The following R3HDM2 variants were observed in gnomAD, a reference collection of about 807,000 sequenced individuals.
R3HDM2 encodes the protein R3H domain-containing protein 2.
Under a neutral mutation model 124.5 loss-of-function variants are expected in R3HDM2, and 38 were observed. That is an observed-to-expected ratio of 0.31 (90% CI 0.24 to 0.40). R3HDM2 has a LOEUF of 0.40. Among genes scored for constraint, R3HDM2 ranks in the 10% least tolerant of loss-of-function variants. The pLI, the probability that R3HDM2 is intolerant of heterozygous loss-of-function variation, is 1.00. For synonymous variants in R3HDM2, 391 were observed against 448.0 expected, an observed-to-expected ratio of 0.87 and a Z score of 1.61; for missense variants, 869 against 1,236.9, an observed-to-expected ratio of 0.70 and a Z score of 4.46.
At chr12:57,299,713 C>T (rs1466736371) in intron 5 of R3HDM2, among the ~76,000 whole-genome samples, 1 of 152,134 alleles carries the variant, frequency 6.6e-6, no homozygotes, top group Non-Finnish European at 1.5e-5. Flanking sequence ...CCGTTCTTGG[C>T]ACAGGTATTG....
chr12:57,374,776 G>A (rs375694721), intron 2 of R3HDM2, among the ~76,000 whole-genome samples: 1 of 147,464 alleles, frequency 6.8e-6, no homozygotes, highest in Non-Finnish European at 1.5e-5. Context: ...GGCAGATCAC[G>A]AGGTCAGGAG....
chr12:57,281,202 G>T (rs567999323), intron 13 of R3HDM2, among the ~76,000 whole-genome samples: 1 of 149,318 alleles, frequency 6.7e-6, no homozygotes, highest in East Asian at 2.0e-4. Context: ...CAGGAGAATC[G>T]CTTGAACCCA....
At chr12:57,353,274 C>A (rs1403570038) in intron 2 of R3HDM2, among the ~76,000 whole-genome samples, 1 of 151,576 alleles carries the variant, frequency 6.6e-6, no homozygotes, top group Non-Finnish European at 1.5e-5. Flanking sequence ...GAATTACAAA[C>A]CAAAAAGAAA....
chr12:57,368,029 C>T (rs886193691), intron 2 of R3HDM2, among the ~76,000 whole-genome samples: 1 of 151,452 alleles, frequency 6.6e-6, no homozygotes. Flanking sequence ...TTCACAGAAC[C>T]GTGTTTCTTT....
At position 57,258,009 on chromosome 12, in the gene R3HDM2, C is replaced by A. The variant is rs1383118647; in HGVS notation, c.2430G>T (p.Arg810=). The A allele has an allele frequency of 1.3e-6, 2 of 1,570,168 alleles. No individual in the cohort carries two copies. Among genetic ancestry groups the A allele is most frequent in the South Asian group, 1.2e-5 (1 of 84,434 alleles). Residue 810 remains arginine, a synonymous_variant, in exon 21 of 24, where the codon CGG becomes CGT. Coordinates refer to ENST00000402412, the MANE Select transcript of R3HDM2 (RefSeq NM_001394031.1). ...CCCTACCCTGTGCTGGACCCCCAGG[C>A]CGGGGGAACTGTGTGAGGACAGGCA... The part of the protein sequence containing the change: ...SPLPVLTQFP[R]PGGPAQGDGR...
At chr12:57,411,212 G>GT (rs1555316477) in intron 1 of R3HDM2, among the ~76,000 whole-genome samples, 4 of 152,104 alleles carry the variant, frequency 2.6e-5, no homozygotes, top group Non-Finnish European at 4.4e-5. Context: ...ATTTTTGTTT[G>GT]TTTTTTTGAG....
At chr12:57,365,106 T>TA (rs928322064) in intron 2 of R3HDM2, among the ~76,000 whole-genome samples, 3 of 148,918 alleles carry the variant, frequency 2.0e-5, no homozygotes, top group Non-Finnish European at 4.5e-5. Context: ...CTAGTAAAAA[T>TA]AAAAAAAACT....
chr12:57,269,314 TTC>T lies in R3HDM2; in HGVS notation c.1714+7_1714+8del, dbSNP rs776515998. On this transcript the variant is annotated splice_region_variant and intron_variant, in intron 16 of 23. Transcript: ENST00000402412. The stretch of plus-strand genomic sequence containing the variant: ...TTCACTGCCTTCTTAAACCAGTGGT[TTC>T]TCTTACCAGGCTGCTGGGATGGCTG... The T allele has an allele frequency of 6.2e-7, 1 of 1,613,352 alleles. No homozygotes were observed. Among genetic ancestry groups the T allele is most frequent in the Admixed American group, 1.7e-5 (1 of 59,912 alleles).
chr12:57,352,351 A>G (rs966500254), intron 2 of R3HDM2, among the ~76,000 whole-genome samples: 4 of 152,096 alleles, frequency 2.6e-5, no homozygotes, highest in Non-Finnish European at 5.9e-5. Context: ...GTCATAGATC[A>G]TATCTCTGGC....
chr12:57,417,781 A>G (rs2069790997), intron 1 of R3HDM2, among the ~76,000 whole-genome samples: 1 of 152,212 alleles, frequency 6.6e-6, no homozygotes, highest in Non-Finnish European at 1.5e-5. Context: ...GTAGCTTACC[A>G]GCTTATGTTT....
At chr12:57,318,947 A>G (rs1334241466) in intron 2 of R3HDM2, among the ~76,000 whole-genome samples, 1 of 152,214 alleles carries the variant, frequency 6.6e-6, no homozygotes, top group Admixed American at 6.5e-5. Context: ...TGGCTTTGTT[A>G]CTTGCTTTCT....
In R3HDM2 at chr12:57,296,415, T is replaced by C; in HGVS notation, c.697A>G (p.Arg233Gly). 1 of 1,552,268 alleles carries C rather than the reference T, an allele frequency of 6.4e-7. No homozygotes were observed. The highest frequency in any genetic ancestry group is 2.0e-5 in the Admixed American group (1 of 51,012). ...AVIINKTSNT[R>G]IPEQRFSEHI... is the part of the protein sequence containing the mutation. Reference sequence around the variant, plus strand: ...AACCATGGTTTCCTCCCTTACATTCTTGTGTTACTAGTTTTGTTGATGATG... The same window carrying C: ...AACCATGGTTTCCTCCCTTACATTCCTGTGTTACTAGTTTTGTTGATGATG... The change falls in exon 9 of 24, where the codon AGA becomes GGA. Residue 233 changes from arginine to glycine, a missense_variant. By Grantham distance (125) the Arg-to-Gly change is moderately radical. Around this residue, in one of 2 missense-constraint regions of R3HDM2, gnomAD observed 267 missense variants for 447.7 expected, o/e 0.60. Coordinates refer to ENST00000402412, the MANE Select transcript of R3HDM2 (RefSeq NM_001394031.1). This position sits in a 1 kb window ranked among gnomAD's most constrained non-coding sequence, Gnocchi z 4.5.
chr12:57,368,634 T>C (rs979498167), intron 2 of R3HDM2, among the ~76,000 whole-genome samples: 22 of 152,118 alleles, frequency 1.4e-4, no homozygotes, highest in African/African-American at 4.8e-4. Context: ...TGGTTGGCAA[T>C]ACTCCATGTG....
At chr12:57,256,591 G>A in intron 21 of R3HDM2, 80 bp from the exon 22 acceptor site, 2 of 1,053,474 alleles carry the variant, frequency 1.9e-6, no homozygotes, top group Admixed American at 2.7e-5. Flanking sequence ...GGGCTTTGGA[G>A]ACAGCAACAA....
Position 57,316,582 on chromosome 12 carries a change from C to CT in R3HDM2, c.-35-6120dup, listed in dbSNP as rs761496804. On this transcript the variant is annotated intron_variant, in intron 2 of 23. Coordinates refer to ENST00000402412, the MANE Select transcript of R3HDM2 (RefSeq NM_001394031.1). ...CAGAGAAAATAAGCCTGCATCCATC[C>CT]TTTTTTTTTTTTTTTTTTTTTGAGA... Among the ~76,000 whole-genome samples, 952 of 100,102 alleles carry CT rather than the reference C, an allele frequency of 9.5e-3. 16 individuals are homozygous for CT. The highest frequency in any genetic ancestry group is 0.012 in the Non-Finnish European group (569 of 49,442). The allele number at this position is 100,102 out of a possible 152,430, so 65.7% of individuals were successfully genotyped here.
intron 1 of R3HDM2, among the ~76,000 whole-genome samples, chr12:57,424,981 G>C (rs2070588403): frequency 6.6e-6 from 1 of 152,188 alleles, no homozygotes; most frequent in South Asian, 2.1e-4. Flanking sequence ...TAAATAAAAA[G>C]AAATTATTCA....
chr12:57,406,214 G>C (rs2068509434), intron 1 of R3HDM2, among the ~76,000 whole-genome samples: 1 of 151,560 alleles, frequency 6.6e-6, no homozygotes, highest in Admixed American at 6.6e-5. Context: ...CCAGCTACTC[G>C]GGAGGCTGAG....
chr12:57,403,646 T>C (rs1224546489), intron 1 of R3HDM2, among the ~76,000 whole-genome samples: 3 of 151,726 alleles, frequency 2.0e-5, no homozygotes, highest in African/African-American at 7.3e-5. Context: ...CCGTCTCTTC[T>C]AAAAATACCA....
At position 57,401,017 on chromosome 12, in the gene R3HDM2, G is replaced by A. The variant is rs191835146; in HGVS notation, c.-105-5199C>T. Among the ~76,000 whole-genome samples, 8 of 151,802 alleles carry A rather than the reference G, an allele frequency of 5.3e-5. No individual in the cohort carries two copies. The East Asian group carries it at 1.5e-3, about 29-fold the overall frequency. ...TTCTAACATGAACTTCAAAAAGAAA[G>A]ACAAGTCAGGGCAATAAAAACAAGC... is the stretch of plus-strand genomic sequence containing the variant. On this transcript the variant is annotated intron_variant, in intron 1 of 23. Transcript: ENST00000402412.
Sources: allele counts gnomAD v4.1 joint callset (sites outside exome capture counted in the v4.1 genomes callset), GRCh38; gene constraint gnomAD v4.1.1; regional missense constraint gnomAD v4.1.1; non-coding constraint Gnocchi (gnomAD v3.1); transcripts MANE v1.5; gene names NCBI Gene and HGNC (gene_info 2026-07-23, HGNC 2026-07-21).